The following RASSF3 variants were observed in gnomAD, a reference collection of about 807,000 sequenced individuals.
The protein encoded by RASSF3 is ras association domain-containing protein 3.
RASSF3 carries 19 observed loss-of-function variants against 19.9 expected under a neutral mutation model. That is an observed-to-expected ratio of 0.96 (90% CI 0.67 to 1.40). The LOEUF is 1.40. Ranked by LOEUF, RASSF3 falls within the 40% of genes most tolerant of loss-of-function variation. The pLI is 0.00. For synonymous variants in RASSF3, 110 were observed against 104.2 expected, an observed-to-expected ratio of 1.06 and a Z score of -0.34; for missense variants, 306 against 289.8, an observed-to-expected ratio of 1.06 and a Z score of -0.41.
At chr12:64,689,688 G>A (rs540607653) in intron 3 of RASSF3, among the ~76,000 whole-genome samples, 1 of 152,138 alleles carries the variant, frequency 6.6e-6, no homozygotes, top group Admixed American at 6.5e-5. Context: ...GATTGGCAAT[G>A]TCACTGTATG....
At chr12:64,557,710 T>C (rs979080401) in intron 2 of RASSF3, among the ~76,000 whole-genome samples, 1 of 152,162 alleles carries the variant, frequency 6.6e-6, no homozygotes, top group Non-Finnish European at 1.5e-5. Context: ...TCTGATTTAA[T>C]GCATATTCCT....
intron 2 of RASSF3, among the ~76,000 whole-genome samples, chr12:64,584,503 G>GAAAA (rs11461888): frequency 1.8e-5 from 2 of 112,702 alleles, no homozygotes; most frequent in Admixed American, 9.4e-5. Flanking sequence ...TCCAGGCTAA[G>GAAAA]AAAAAAAAAA....
At chr12:64,686,065 ACTC>A (rs977249526) in intron 2 of RASSF3, among the ~76,000 whole-genome samples, 2 of 152,026 alleles carry the variant, frequency 1.3e-5, no homozygotes, top group East Asian at 1.9e-4. Context: ...CCCTGGTAGA[ACTC>A]CTCCAAAAAG....
intron 2 of RASSF3, among the ~76,000 whole-genome samples, chr12:64,564,114 T>C (rs1869391048): frequency 6.6e-6 from 1 of 152,236 alleles, no homozygotes; most frequent in Non-Finnish European, 1.5e-5. Flanking sequence ...ATAAATCTTT[T>C]GGCTTTCAAT....
chr12:64,520,563 T>C (rs1464265087), intron 1 of RASSF3, among the ~76,000 whole-genome samples: 895 of 33,476 alleles, frequency 0.027, 10 homozygotes, highest in Non-Finnish European at 0.031. Flanking sequence ...CACATATATA[T>C]ATATATATAT....
At chr12:64,580,103 C>A (rs1418869367) in intron 2 of RASSF3, among the ~76,000 whole-genome samples, 1 of 152,148 alleles carries the variant, frequency 6.6e-6, no homozygotes, top group Non-Finnish European at 1.5e-5. Flanking sequence ...GCATGAGCCA[C>A]TGCGCGCAGC....
intron 1 of RASSF3, among the ~76,000 whole-genome samples, chr12:64,657,877 G>A (rs1872215050): frequency 6.6e-6 from 1 of 152,116 alleles, no homozygotes; most frequent in Admixed American, 6.5e-5. Flanking sequence ...AGCTCAAGGA[G>A]TTCAAGACCA....
intron 1 of RASSF3, among the ~76,000 whole-genome samples, chr12:64,515,865 C>CGGGA (rs747633138): frequency 8.5e-5 from 13 of 152,118 alleles, no homozygotes; most frequent in Non-Finnish European, 1.8e-4. Flanking sequence ...TAGGGCCTTT[C>CGGGA]AAGCTAGAAA....
downstream of RASSF3, among the ~76,000 whole-genome samples, chr12:64,545,238 T>C (rs1237515132): frequency 6.6e-6 from 1 of 152,210 alleles, no homozygotes; most frequent in East Asian, 1.9e-4. Flanking sequence ...TATGAGCAGC[T>C]CTAGGGAGAA....
At chr12:64,567,687 A>T (rs1016139982) in intron 2 of RASSF3, among the ~76,000 whole-genome samples, 5 of 152,184 alleles carry the variant, frequency 3.3e-5, no homozygotes, top group Admixed American at 6.5e-5. Flanking sequence ...TGAATAATAC[A>T]CTTTGGAACT....
intron 1 of RASSF3, among the ~76,000 whole-genome samples, chr12:64,524,052 CT>C (rs35141966): frequency 1.2e-3 from 140 of 120,088 alleles, no homozygotes; most frequent in Middle Eastern, 5.2e-3. Context: ...TGTACTTGCT[CT>C]TTTTTTTTTT....
downstream of RASSF3, among the ~76,000 whole-genome samples, chr12:64,541,925 G>T (rs1868940437): frequency 6.6e-6 from 1 of 152,166 alleles, no homozygotes; most frequent in South Asian, 2.1e-4. Context: ...TATATCAGTA[G>T]TTTTATCCAA....
intron 1 of RASSF3, among the ~76,000 whole-genome samples, chr12:64,642,691 G>T (rs929446155): frequency 7.3e-6 from 1 of 136,962 alleles, no homozygotes; most frequent in Non-Finnish European, 1.6e-5. Context: ...ACAAAGTTTT[G>T]TAATACAAAA....
intron 1 of RASSF3, among the ~76,000 whole-genome samples, chr12:64,521,289 G>T (rs1592387468): frequency 6.6e-6 from 1 of 152,312 alleles, no homozygotes; most frequent in South Asian, 2.1e-4. Context: ...CCTTGATGGA[G>T]AAATCCATCC....
intron 2 of RASSF3, among the ~76,000 whole-genome samples, chr12:64,549,776 C>G (rs1335951678): frequency 6.6e-6 from 1 of 152,136 alleles, no homozygotes; most frequent in Non-Finnish European, 1.5e-5. Context: ...CCAGAGGGAG[C>G]TCTAGCATTG....
chr12:64,572,915 T>C (rs11608414), intron 2 of RASSF3, among the ~76,000 whole-genome samples: 45,966 of 152,062 alleles, frequency 0.3, 8,570 homozygotes, highest in Non-Finnish European at 0.41. Flanking sequence ...TAAAATTTTT[T>C]CAAGGGACAG....
intron 1 of RASSF3, among the ~76,000 whole-genome samples, chr12:64,684,491 C>T (rs1363995573): frequency 3.4e-5 from 5 of 145,516 alleles, no homozygotes; most frequent in Admixed American, 7.0e-5. Context: ...AGTGCAATGG[C>T]GTGATCTCAG....
chr12:64,650,559 G>A (rs1048562068), intron 1 of RASSF3, among the ~76,000 whole-genome samples: 1 of 151,848 alleles, frequency 6.6e-6, no homozygotes, highest in East Asian at 1.9e-4. Flanking sequence ...GGGATTACAG[G>A]TGCGCGCCAC....
intron 1 of RASSF3, among the ~76,000 whole-genome samples, chr12:64,627,093 G>A (rs1871022487): frequency 6.6e-6 from 1 of 152,208 alleles, no homozygotes; most frequent in African/African-American, 2.4e-5. Context: ...TGTATTCCTA[G>A]ATTATAGATT....
Sources: gnomAD v4.1 joint callset for allele counts (sites outside exome capture counted in the v4.1 genomes callset) on GRCh38, gnomAD v4.1.1 for gene constraint, MANE v1.5 for transcripts, NCBI Gene and HGNC (gene_info 2026-07-23, HGNC 2026-07-21) for gene names.